Variants in PCDHGA4 observed in about 807,000 individuals in gnomAD.
The protein encoded by PCDHGA4 is protocadherin gamma-A4.
Under a neutral mutation model 54.6 loss-of-function variants are expected in PCDHGA4, and 38 were observed. The ratio of observed to expected loss-of-function variants is 0.70; its 90% CI spans 0.54 to 0.91. The LOEUF (loss-of-function observed/expected upper bound fraction) is 0.91. Ranked by LOEUF, PCDHGA4 falls within the 40% of genes least tolerant of loss-of-function variation. The probability of loss-of-function intolerance (pLI) is 0.00; values close to 1 mark genes in which losing one functional copy is unlikely to be tolerated. For synonymous variants in PCDHGA4, 511 were observed against 512.9 expected (o/e 1.00, Z 0.05); for missense variants, 1,298 against 1,220.9 (o/e 1.06, Z -0.94).
At position 141,418,573 on chromosome 5, in the gene PCDHGA4, C is replaced by A. The variant is rs749104686; in HGVS notation, c.2514+60952C>A. 5.0e-6 allele frequency: 8 copies of A among 1,613,826 alleles called. No individual in the cohort carries two copies. The South Asian group carries it at 5.5e-5, about 11-fold the overall frequency. Reference sequence around the variant, plus strand: ...TCCTGGTAATAGATGCCAATGACAACCCCCCAGTGTTCAGCCAGGACGTGT... The same window carrying A: ...TCCTGGTAATAGATGCCAATGACAAACCCCCAGTGTTCAGCCAGGACGTGT... On this transcript the variant is annotated intron_variant, in intron 1 of 3. Transcript: ENST00000571252.
At chr5:141,374,467 C>A (rs1430397717) in intron 1 of PCDHGA4, 1 of 1,612,694 alleles carries the variant, frequency 6.2e-7, no homozygotes, top group Admixed American at 1.7e-5. Flanking sequence ...ACATTAATGA[C>A]AATACACCCC....
At chr5:141,384,610 G>A in intron 1 of PCDHGA4, 1 of 1,614,238 alleles carries the variant, frequency 6.2e-7, no homozygotes, top group Non-Finnish European at 8.5e-7. Context: ...CCCCACAGAT[G>A]GTTCTACTGG....
chr5:141,362,006 G>A (rs754740596), intron 1 of PCDHGA4: 7 of 1,605,202 alleles, frequency 4.4e-6, no homozygotes, highest in Non-Finnish European at 5.9e-6. Flanking sequence ...TTGCGCACGG[G>A]TGAGGTGCGC....
At chr5:141,418,917 C>T in intron 1 of PCDHGA4, 1 of 1,613,988 alleles carries the variant, frequency 6.2e-7, no homozygotes, top group Non-Finnish European at 8.5e-7. Context: ...ACGTCACTCT[C>T]TGATCAGATT....
intron 1 of PCDHGA4, among the ~76,000 whole-genome samples, chr5:141,470,737 G>A (rs117064561): frequency 6.6e-6 from 1 of 152,016 alleles, no homozygotes; most frequent in African/African-American, 2.4e-5. Flanking sequence ...TTGCTCTGTC[G>A]CCCTGGCTGG....
chr5:141,501,132 G>T (rs371444727), intron 2 of PCDHGA4, among the ~76,000 whole-genome samples: 2 of 152,262 alleles, frequency 1.3e-5, no homozygotes, highest in East Asian at 3.9e-4. Flanking sequence ...CTCCCTAAGT[G>T]CTGGGATTAC....
chr5:141,434,174 C>T (rs1310074584), intron 1 of PCDHGA4, among the ~76,000 whole-genome samples: 1 of 152,132 alleles, frequency 6.6e-6, no homozygotes, highest in Non-Finnish European at 1.5e-5. Flanking sequence ...GGGATTATAT[C>T]CAAGATTTGT....
intron 1 of PCDHGA4, chr5:141,390,142 G>A (rs2092062384): frequency 6.2e-6 from 10 of 1,614,022 alleles, no homozygotes; most frequent in Non-Finnish European, 8.5e-6. Flanking sequence ...TACAATCTAT[G>A]TGTTGCACAT....
chr5:141,417,963 A>C (rs1260025037), intron 1 of PCDHGA4: 1 of 1,613,258 alleles, frequency 6.2e-7, no homozygotes, highest in Non-Finnish European at 8.5e-7. Flanking sequence ...CCGATCCGCT[A>C]CTCGATTCCG....
intron 1 of PCDHGA4, among the ~76,000 whole-genome samples, chr5:141,469,731 C>A (rs1332201791): frequency 6.6e-6 from 1 of 152,214 alleles, no homozygotes; most frequent in Non-Finnish European, 1.5e-5. Context: ...ATCATAAATA[C>A]ACACCTCAAA....
chr5:141,370,825 A>C, intron 1 of PCDHGA4: 3 of 1,614,070 alleles, frequency 1.9e-6, no homozygotes, highest in Non-Finnish European at 2.5e-6. Context: ...GAAATCAGCG[A>C]ACTGGCTCTC....
chr5:141,478,718 C>T, intron 1 of PCDHGA4: 1 of 1,544,994 alleles, frequency 6.5e-7, no homozygotes, highest in East Asian at 2.4e-5. Context: ...AGATGGTGGC[C>T]TGCCAGAGTG....
chr5:141,434,401 T>C (rs1036239430), intron 1 of PCDHGA4, among the ~76,000 whole-genome samples: 2 of 152,242 alleles, frequency 1.3e-5, no homozygotes. Context: ...ACAAAATCTC[T>C]GCAGCACTGT....
intron 1 of PCDHGA4, among the ~76,000 whole-genome samples, chr5:141,379,797 G>C (rs1775829191): frequency 6.6e-6 from 1 of 150,836 alleles, no homozygotes; most frequent in African/African-American, 2.4e-5. Flanking sequence ...GGCTATCTGA[G>C]GTTTTGAGAG....
chr5:141,473,233 C>T (rs116489525), intron 1 of PCDHGA4, among the ~76,000 whole-genome samples: 1,684 of 152,238 alleles, frequency 0.011, 34 homozygotes, highest in African/African-American at 0.039. Flanking sequence ...ATTGGATCCA[C>T]ACAAGTGAAT....
intron 3 of PCDHGA4, among the ~76,000 whole-genome samples, chr5:141,509,807 C>T (rs369661041): frequency 2.0e-5 from 3 of 152,104 alleles, no homozygotes; most frequent in Non-Finnish European, 4.4e-5. Context: ...TTCATAGAGC[C>T]GAGCTCTTCT....
chr5:141,494,439 C>T (rs1009257996), intron 1 of PCDHGA4, among the ~76,000 whole-genome samples: 1 of 152,126 alleles, frequency 6.6e-6, no homozygotes, highest in Non-Finnish European at 1.5e-5. Flanking sequence ...CCTCCTTTGC[C>T]ACTTTAGGGG....
At position 141,476,499 on chromosome 5, in the gene PCDHGA4, T is replaced by A. The variant is rs763373223; in HGVS notation, c.2515-18308T>A. On this transcript the variant is annotated intron_variant, in intron 1 of 3. Coordinates refer to ENST00000571252, the MANE Select transcript of PCDHGA4 (RefSeq NM_018917.4). This position sits in a 1 kb window ranked among gnomAD's most constrained non-coding sequence, Gnocchi z 7.6. Reference sequence around the variant, plus strand: ...AGCGTGGAAGTGGTGATCCAGGACATCAACGACAACAATCCTGCTTTCCCT... The same window carrying A: ...AGCGTGGAAGTGGTGATCCAGGACAACAACGACAACAATCCTGCTTTCCCT... 3.1e-6 allele frequency: 5 copies of A among 1,613,992 alleles called. No individual in the cohort carries two copies. The South Asian group carries it at 5.5e-5, about 18-fold the overall frequency.
chr5:141,431,916 T>C lies in PCDHGA4; in HGVS notation c.2515-62891T>C, dbSNP rs2097428336. 1 of 1,614,056 alleles carries C rather than the reference T, an allele frequency of 6.2e-7. No homozygotes were observed. Among genetic ancestry groups the C allele is most frequent in the Middle Eastern group, 1.6e-4 (1 of 6,062 alleles). ...GAAAACGGACAGGTGATCTGTTTCA[T>C]CCAAGGAAATCTGCCCTTTAAATTA... On this transcript the variant is annotated intron_variant, in intron 1 of 3. Transcript: ENST00000571252. The surrounding 1 kb of genome is among the most constrained non-coding windows in gnomAD (Gnocchi z 4.8).
Sources: allele counts gnomAD v4.1 joint callset (sites outside exome capture counted in the v4.1 genomes callset), GRCh38; gene constraint gnomAD v4.1.1; non-coding constraint Gnocchi (gnomAD v3.1); transcripts MANE v1.5; gene names NCBI Gene and HGNC (gene_info 2026-07-23, HGNC 2026-07-21).